Variants in SMYD1 observed in about 807,000 individuals in gnomAD.
SMYD1 encodes SET and MYND domain containing 1.
A neutral mutation model predicts 54.0 loss-of-function variants in SMYD1; 49 were observed. The observed-to-expected ratio is 0.91, with a 90% CI of 0.72 to 1.15. SMYD1 has a LOEUF of 1.15. Among genes scored for constraint, SMYD1 ranks in the 50% most tolerant of loss-of-function variants. The pLI, the probability that SMYD1 is intolerant of heterozygous loss-of-function variation, is 0.00. For missense variants in SMYD1, 653 were observed against 639.6 expected (o/e 1.02, Z -0.23); for synonymous variants, 269 against 234.2 (o/e 1.15, Z -1.36).
In SMYD1 at chr2:88,091,057, G is replaced by A; in HGVS notation, c.574G>A (p.Ala192Thr). The A allele has an allele frequency of 6.2e-7, 1 of 1,614,132 alleles. No homozygotes were observed. The highest frequency in any genetic ancestry group is 1.3e-5 in the African/African-American group (1 of 75,024). The change falls in exon 4 of 10, where the codon GCC becomes ACC. Residue 192 changes from alanine (A) to threonine (T), a missense_variant. Physicochemically the swap from Ala to Thr is moderately conservative, Grantham distance 58 (BLOSUM62 0). Coordinates refer to ENST00000419482, the MANE Select transcript of SMYD1 (RefSeq NM_198274.4). Reference sequence around the variant, plus strand: ...TCTCAGTGATCAGAGAGGCCTGCAGGCCGTGGGCGTAGGCATCTTCCCCAA... The same window carrying A: ...TCTCAGTGATCAGAGAGGCCTGCAGACCGTGGGCGTAGGCATCTTCCCCAA... Reference protein sequence around the residue: ...FTLSDQRGLQAVGVGIFPNLG... With the variant: ...FTLSDQRGLQTVGVGIFPNLG...
chr2:88,084,432 A>C lies in SMYD1; in HGVS notation c.254A>C (p.Asn85Thr). ...DRTCQKDAWL[N>T]HKNECSAIKR... ...ACCTGCCAGAAGGATGCTTGGCTGAACCACAAGAATGAATGTTCGGCCATC... is the reference window on the plus strand; with the variant it reads ...ACCTGCCAGAAGGATGCTTGGCTGACCCACAAGAATGAATGTTCGGCCATC... Residue 85 changes from asparagine to threonine, a missense_variant, in exon 2 of 10, where the codon AAC (asparagine) becomes ACC (threonine). Physicochemically the swap from Asn to Thr is moderately conservative, Grantham distance 65. Transcript: ENST00000419482. 6.2e-7 allele frequency: 1 copy of C among 1,607,180 alleles called. No individual in the cohort carries two copies. The highest frequency in any genetic ancestry group is 8.5e-7 in the Non-Finnish European group (1 of 1,174,446).
chr2:88,099,616 G>A (rs1297009023), intron 6 of SMYD1, among the ~76,000 whole-genome samples: 3 of 152,050 alleles, frequency 2.0e-5, no homozygotes, highest in African/African-American at 7.2e-5. Context: ...CCAGCTACTC[G>A]GGAGGCTGAG....
chr2:88,107,796 G>A lies in SMYD1; in HGVS notation c.1146-575G>A, dbSNP rs562610583. ...CATTTGCTAAGACCATTGGAAAAGC[G>A]CAGTATTAGGGTGGGAGTGACCCAA... On this transcript the variant is annotated intron_variant, in intron 8 of 9. Coordinates refer to ENST00000419482, the MANE Select transcript of SMYD1 (RefSeq NM_198274.4). Among the ~76,000 whole-genome samples the A allele has an allele frequency of 5.9e-5, 9 of 152,224 alleles. No individual in the cohort carries two copies. The South Asian group carries it at 6.2e-4, about 10-fold the overall frequency.
In SMYD1 at chr2:88,088,133, C is replaced by T. The variant is rs1428917862; in HGVS notation, c.528+58C>T. The T allele has an allele frequency of 3.3e-6, 5 of 1,515,438 alleles. No individual in the cohort carries two copies. The South Asian group carries it at 3.9e-5, about 12-fold the overall frequency. 93.9% of individuals were successfully genotyped at this position (1,515,438 alleles called of 1,614,324 possible). A position where few individuals can be genotyped will look rare whatever the true frequency, so the allele number is the denominator to read the frequency against. ...TGTCTGTCTCCTCTTTCCTTCCCTC[C>T]TCCCACTTGGGGAGGGTGGGGCTTC... On this transcript the variant is annotated intron_variant, in intron 3 of 9. Coordinates refer to ENST00000419482, the MANE Select transcript of SMYD1 (RefSeq NM_198274.4).
At chr2:88,098,727 C>T (rs1674656998) in intron 6 of SMYD1, among the ~76,000 whole-genome samples, 1 of 152,204 alleles carries the variant, frequency 6.6e-6, no homozygotes, top group South Asian at 2.1e-4. Context: ...TCTCTTCCTT[C>T]TGGGCCTCAG....
Position 88,110,680 on chromosome 2 carries a change from A to C in SMYD1, c.*168A>C. On this transcript the variant is annotated 3_prime_UTR_variant, in exon 10 of 10. Coordinates refer to ENST00000419482, the MANE Select transcript of SMYD1 (RefSeq NM_198274.4). ...CCCAGAGCCATTTTGGCTCAATTCA[A>C]GTCTATTCAATTCAAGTTAACTCTA... 2.5e-6 allele frequency: 2 copies of C among 785,312 alleles called. No homozygotes were observed. The highest frequency in any genetic ancestry group is 3.8e-6 in the Non-Finnish European group (2 of 526,298). 48.6% of individuals were successfully genotyped at this position (785,312 alleles called of 1,614,324 possible). A position where few individuals can be genotyped will look rare whatever the true frequency, so the allele number is the denominator to read the frequency against.
chr2:88,085,521 T>C (rs1413773347), intron 2 of SMYD1, among the ~76,000 whole-genome samples: 1 of 152,218 alleles, frequency 6.6e-6, no homozygotes, highest in Non-Finnish European at 1.5e-5. Context: ...AATTGTCATA[T>C]CCTGATGATT....
At chr2:88,087,423 C>T (rs114163957) in intron 2 of SMYD1, among the ~76,000 whole-genome samples, 2,414 of 152,256 alleles carry the variant, frequency 0.016, 19 homozygotes, top group Middle Eastern at 0.034. Flanking sequence ...TCCCTGTGCT[C>T]CAGCCACCTC....
intron 6 of SMYD1, among the ~76,000 whole-genome samples, chr2:88,099,511 T>A (rs1573117571): frequency 6.6e-6 from 1 of 151,806 alleles, no homozygotes; most frequent in South Asian, 2.1e-4. Flanking sequence ...GATCACGAGG[T>A]CAGGAGTTCG....
intron 5 of SMYD1, among the ~76,000 whole-genome samples, 154 bp from the exon 6 acceptor site, chr2:88,096,441 G>C (rs1674589010): frequency 6.6e-6 from 1 of 152,164 alleles, no homozygotes; most frequent in Non-Finnish European, 1.5e-5. Flanking sequence ...TCATCCTTTA[G>C]GTCACATTTC....
At chr2:88,071,380 A>G (rs1205761242) in intron 1 of SMYD1, among the ~76,000 whole-genome samples, 1 of 152,190 alleles carries the variant, frequency 6.6e-6, no homozygotes, top group African/African-American at 2.4e-5. Context: ...TTTAGCATTA[A>G]CAGTAACAAT....
chr2:88,085,658 AAATCTACCACCC>A (rs1674308105), intron 2 of SMYD1, among the ~76,000 whole-genome samples: 1 of 152,310 alleles, frequency 6.6e-6, no homozygotes, highest in East Asian at 1.9e-4. Context: ...GACTGAGTTG[AAATCTACCACCC>A]ATTGACCTCT....
At chr2:88,098,292 T>C (rs1445609603) in intron 6 of SMYD1, among the ~76,000 whole-genome samples, 1 of 152,244 alleles carries the variant, frequency 6.6e-6, no homozygotes, top group African/African-American at 2.4e-5. Context: ...TTAGATTTTT[T>C]GATGTTTACC....
In SMYD1 at chr2:88,110,362, G is replaced by A. The variant is rs1432219704; in HGVS notation, c.1323G>A (p.Arg441=). 3 of 1,611,930 alleles carry A rather than the reference G, an allele frequency of 1.9e-6. No individual in the cohort carries two copies. Among genetic ancestry groups the A allele is most frequent in the Non-Finnish European group, 1.7e-6 (2 of 1,178,986 alleles). Residue 441 remains arginine (R), a synonymous_variant, in exon 10 of 10, where the codon CGG becomes CGA. Coordinates refer to ENST00000419482, the MANE Select transcript of SMYD1 (RefSeq NM_198274.4). ...HPITKDLEAM[R]VQTEMELRMF... ...GTATCTGTGTCCCACAGGCCATGCG[G>A]GTGCAGACGGAGATGGAGCTACGCA... is the stretch of plus-strand genomic sequence containing the variant.
rs1473947614 is a variant in SMYD1, at chr2:88,106,211, A to G, written c.982-114A>G. The G allele has an allele frequency of 1.2e-5, 17 of 1,393,048 alleles. No homozygotes were observed. The African/African-American group carries it at 1.7e-4, about 14-fold the overall frequency. The allele number at this position is 1,393,048 out of a possible 1,614,324, so 86.3% of individuals were successfully genotyped here. ...CTGTGCTTTCCCACCTCTGTCAGCAATTGCCCCAGTCTTAAAAAGAATGAT... is the reference window on the plus strand; with the variant it reads ...CTGTGCTTTCCCACCTCTGTCAGCAGTTGCCCCAGTCTTAAAAAGAATGAT... On this transcript the variant is annotated intron_variant, in intron 7 of 9. Coordinates refer to ENST00000419482, the MANE Select transcript of SMYD1 (RefSeq NM_198274.4).
rs1478186617 is a variant in SMYD1, at chr2:88,110,518, G to A, written c.*6G>A. Reference sequence around the variant, plus strand: ...TGTTCCACAAGAAGCAATGAGGACTGCCCAGTGGAGGAGGGGCGATGTGGC... The same window carrying A: ...TGTTCCACAAGAAGCAATGAGGACTACCCAGTGGAGGAGGGGCGATGTGGC... On this transcript the variant is annotated 3_prime_UTR_variant, in exon 10 of 10. Coordinates refer to ENST00000419482, the MANE Select transcript of SMYD1 (RefSeq NM_198274.4). 1 of 1,561,078 alleles carries A rather than the reference G, an allele frequency of 6.4e-7. No individual in the cohort carries two copies. Among genetic ancestry groups the A allele is most frequent in the African/African-American group, 1.3e-5 (1 of 74,204 alleles).
chr2:88,084,390 C>T lies in SMYD1; in HGVS notation c.212C>T (p.Ala71Val), dbSNP rs2103988969. ...CATCGCTGTGGGCAGTGCAAGTTTG[C>T]CCATTACTGCGACCGCACCTGCCAG... ...KLHRCGQCKF[A>V]HYCDRTCQKD... Residue 71 changes from alanine to valine, a missense_variant, in exon 2 of 10, where the codon GCC (alanine) becomes GTC (valine). Transcript: ENST00000419482. The T allele has an allele frequency of 1.9e-6, 3 of 1,607,454 alleles. No individual in the cohort carries two copies. The highest frequency in any genetic ancestry group is 2.6e-6 in the Non-Finnish European group (3 of 1,174,538).
At chr2:88,107,079 T>A (rs1001146439) in intron 8 of SMYD1, among the ~76,000 whole-genome samples, 1 of 152,012 alleles carries the variant, frequency 6.6e-6, no homozygotes, top group Non-Finnish European at 1.5e-5. Flanking sequence ...AGGGCACCTG[T>A]AGTCCCAGCT....
In SMYD1 at chr2:88,103,145, CA is replaced by C; in HGVS notation, c.977del (p.His326LeufsTer4). 6.2e-7 allele frequency: 1 copy of C among 1,610,368 alleles called. No homozygotes were observed. The highest frequency in any genetic ancestry group is 8.5e-7 in the Non-Finnish European group (1 of 1,178,144). On this transcript the variant is annotated frameshift_variant, in exon 7 of 10. Transcript: ENST00000419482. LOFTEE classifies it high-confidence loss of function. ...CAAGGCTCGTTCCGAGGGTTTGTAT[CA>C]TGAGGTAAGAATTCACTTGTTATAG... ...IDKARSEGLY[H>X]EVVKLCRECL...
Sources: allele counts gnomAD v4.1 joint callset (sites outside exome capture counted in the v4.1 genomes callset), GRCh38; gene constraint gnomAD v4.1.1; transcripts MANE v1.5; gene names NCBI Gene and HGNC (gene_info 2026-07-23, HGNC 2026-07-21).